The following CMIP variants were observed in gnomAD, a reference collection of about 807,000 sequenced individuals.
CMIP encodes the protein C-Maf-inducing protein.
Under a neutral mutation model 97.3 loss-of-function variants are expected in CMIP, and 13 were observed. The ratio of observed to expected loss-of-function variants is 0.13; its 90% confidence interval spans 0.09 to 0.21. The LOEUF is 0.21. Ranked by LOEUF, CMIP falls within the 10% of genes least tolerant of loss-of-function variation. The pLI is 1.00. For missense variants in CMIP, 847 were observed against 1,024.9 expected (o/e 0.83, Z 2.37); for synonymous variants, 538 against 436.3 (o/e 1.23, Z -2.91).
intron 1 of CMIP, among the ~76,000 whole-genome samples, chr16:81,547,954 G>A (rs2090579794): frequency 6.6e-6 from 1 of 152,168 alleles, no homozygotes; most frequent in Non-Finnish European, 1.5e-5. Context: ...CGCAGCCTCT[G>A]ATCCCAGCCT....
rs187326907 is a variant in CMIP at position 81,495,573 on chromosome 16, G to A, written c.300+50032G>A. On this transcript the variant is annotated intron_variant, in intron 1 of 20. Transcript: ENST00000537098. ...CCTCGCCTGCTGCTGCTGGCCACAG[G>A]CCAGTGAAATTCACAGACCCACTTC... The A allele has an allele frequency of 5.6e-4, 838 of 1,493,216 alleles. 6 individuals carry two copies. The African/African-American group carries it at 0.01, about 18-fold the overall frequency. The allele number at this position is 1,493,216 out of a possible 1,614,324, so 92.5% of individuals were successfully genotyped here. A position where few individuals can be genotyped will look rare whatever the true frequency, so the allele number is the denominator to read the frequency against.
At chr16:81,513,366 G>A (rs2089850647) in intron 1 of CMIP, among the ~76,000 whole-genome samples, 1 of 152,228 alleles carries the variant, frequency 6.6e-6, no homozygotes, top group Admixed American at 6.5e-5. Flanking sequence ...CAGCGCGGCT[G>A]GCCTGGGCCC....
chr16:81,708,471 G>T (rs930996360), intron 20 of CMIP, among the ~76,000 whole-genome samples: 2 of 152,236 alleles, frequency 1.3e-5, no homozygotes, highest in African/African-American at 4.8e-5. Flanking sequence ...AGAACATGGG[G>T]AGTGCAGGAA....
intron 17 of CMIP, among the ~76,000 whole-genome samples, chr16:81,703,167 G>A (rs577660728): frequency 3.6e-4 from 55 of 152,224 alleles, no homozygotes; most frequent in Admixed American, 9.2e-4. Flanking sequence ...CAGCCAGCAG[G>A]AAGGAGAACG....
chr16:81,574,873 C>T (rs1461035639), intron 1 of CMIP, among the ~76,000 whole-genome samples: 1 of 152,202 alleles, frequency 6.6e-6, no homozygotes, highest in Non-Finnish European at 1.5e-5. Context: ...ACAGGATTGT[C>T]CCCTGCGTAT....
chr16:81,569,493 T>G lies in CMIP; in HGVS notation c.301-38074T>G, dbSNP rs2091044732. Among the ~76,000 whole-genome samples the G allele has an allele frequency of 2.6e-5, 4 of 152,216 alleles. 1 individual carries two copies. The South Asian group carries it at 8.3e-4, about 32-fold the overall frequency. ...GGGCCTCAGGGGATCCTGGCTTCTCTTGAATTCAGTGTTACCTTCCAGCTG... is the reference window on the plus strand; with the variant it reads ...GGGCCTCAGGGGATCCTGGCTTCTCGTGAATTCAGTGTTACCTTCCAGCTG... On this transcript the variant is annotated intron_variant, in intron 1 of 20. Transcript: ENST00000537098.
intron 1 of CMIP, among the ~76,000 whole-genome samples, chr16:81,590,652 G>T (rs1382576897): frequency 6.6e-6 from 1 of 152,236 alleles, no homozygotes; most frequent in East Asian, 1.9e-4. Context: ...GTTAAGGCCA[G>T]TTCCTAGGAG....
intron 3 of CMIP, among the ~76,000 whole-genome samples, chr16:81,650,967 C>T (rs1021666078): frequency 6.6e-6 from 1 of 152,302 alleles, no homozygotes; most frequent in African/African-American, 2.4e-5. Context: ...TCCTTGATAG[C>T]GGTGGGTCCC....
chr16:81,600,019 G>T (rs142958919), intron 1 of CMIP, among the ~76,000 whole-genome samples: 2 of 152,044 alleles, frequency 1.3e-5, no homozygotes, highest in South Asian at 2.1e-4. Context: ...GGTGGCTCAC[G>T]CCTGTAATCC....
At position 81,615,791 on chromosome 16, in the gene CMIP, C is replaced by G. The variant is rs552720718; in HGVS notation, c.427-5085C>G. 4.1e-3 allele frequency among the ~76,000 whole-genome samples: 629 copies of G among 152,060 alleles called. 11 individuals carry two copies. Among genetic ancestry groups the G allele is most frequent in the Admixed American group, 0.039 (598 of 15,270 alleles). On this transcript the variant is annotated intron_variant, in intron 2 of 20. Coordinates refer to ENST00000537098, the MANE Select transcript of CMIP (RefSeq NM_198390.3). ...TGTGTGTGCATAAATGTTGACATTA[C>G]ATGGGTGTGAGTCCATAGCTTGTTT...
chr16:81,669,602 C>G (rs1489137290), intron 7 of CMIP, among the ~76,000 whole-genome samples: 1 of 147,334 alleles, frequency 6.8e-6, no homozygotes, highest in Non-Finnish European at 1.5e-5. Flanking sequence ...ACACCCACCT[C>G]TCACCTCCTT....
intron 1 of CMIP, among the ~76,000 whole-genome samples, chr16:81,586,057 C>T (rs956883126): frequency 5.4e-5 from 8 of 148,316 alleles, no homozygotes; most frequent in African/African-American, 1.5e-4. Flanking sequence ...CTCCCTCTAG[C>T]TTCAGGGATT....
intron 1 of CMIP, among the ~76,000 whole-genome samples, chr16:81,582,312 T>G (rs1323777795): frequency 6.6e-6 from 1 of 152,092 alleles, no homozygotes; most frequent in East Asian, 1.9e-4. Context: ...TTGGAATATT[T>G]TTTTTGCCAA....
chr16:81,626,187 G>A (rs1597161531), intron 3 of CMIP, among the ~76,000 whole-genome samples: 1 of 152,354 alleles, frequency 6.6e-6, no homozygotes, highest in Admixed American at 6.5e-5. Context: ...AGAATGTGGG[G>A]TGTGTGAGTG....
Position 81,445,187 on chromosome 16 carries a change from A to C in CMIP, c.-55A>C. 4 of 1,172,216 alleles carry C rather than the reference A, an allele frequency of 3.4e-6. No individual in the cohort carries two copies. The highest frequency in any genetic ancestry group is 3.2e-5 in the East Asian group (1 of 31,464). 72.6% of individuals were successfully genotyped at this position (1,172,216 alleles called of 1,614,324 possible). ...CCGGATCCGGGGGCCCCGCCGCCCC[A>C]GCAGCCCAGGACAGCCCCCTCTCCC... On this transcript the variant is annotated 5_prime_UTR_variant, in exon 1 of 21. Coordinates refer to ENST00000537098, the MANE Select transcript of CMIP (RefSeq NM_198390.3).
intron 10 of CMIP, among the ~76,000 whole-genome samples, chr16:81,682,354 C>T (rs1274702563): frequency 1.3e-5 from 2 of 152,092 alleles, no homozygotes; most frequent in African/African-American, 4.8e-5. Flanking sequence ...CACCTGAGGT[C>T]GGGAGTTCGA....
At chr16:81,608,164 G>A (rs1381345338) in intron 2 of CMIP, among the ~76,000 whole-genome samples, 1 of 152,216 alleles carries the variant, frequency 6.6e-6, no homozygotes, top group East Asian at 1.9e-4. Flanking sequence ...GGGAAAAAAA[G>A]TGCATTCTGT....
intron 17 of CMIP, 35 bp from the exon 18 acceptor site, chr16:81,703,904 C>G: frequency 6.3e-7 from 1 of 1,574,870 alleles, no homozygotes; most frequent in Non-Finnish European, 8.6e-7. Context: ...GAACTCCCAG[C>G]AGCACCCTCA....
At chr16:81,511,495 C>G (rs1378323234) in intron 1 of CMIP, among the ~76,000 whole-genome samples, 1 of 152,188 alleles carries the variant, frequency 6.6e-6, no homozygotes, top group East Asian at 1.9e-4. Context: ...TGATTGCTTC[C>G]TCATGGTGTC....
Sources: gnomAD v4.1 joint callset for allele counts (sites outside exome capture counted in the v4.1 genomes callset) on GRCh38, gnomAD v4.1.1 for gene constraint, MANE v1.5 for transcripts, NCBI Gene and HGNC (gene_info 2026-07-23, HGNC 2026-07-21) for gene names.